The following LRP3 variants were observed in gnomAD, a reference collection of about 807,000 sequenced individuals.
LRP3 encodes the protein LDL receptor related protein 3, also known as low-density lipoprotein receptor-related protein 3.
LRP3 carries 49 observed loss-of-function variants against 58.5 expected under a neutral mutation model. The observed-to-expected ratio is 0.84, with a 90% CI of 0.67 to 1.06. The LOEUF (loss-of-function observed/expected upper bound fraction) is 1.06, where lower values mean the gene tolerates loss of function less well. Among genes scored for constraint, LRP3 ranks in the 50% least tolerant of loss-of-function variants. The probability of loss-of-function intolerance (pLI) is 0.00; values close to 1 mark genes in which losing one functional copy is unlikely to be tolerated. For synonymous variants in LRP3, 485 were observed against 492.2 expected (o/e 0.99, Z 0.20); for missense variants, 1,019 against 1,134.2 (o/e 0.90, Z 1.46).
At chr19:33,196,402 T>A (rs1325342690) in intron 1 of LRP3, among the ~76,000 whole-genome samples, 1 of 144,986 alleles carries the variant, frequency 6.9e-6, no homozygotes, top group Non-Finnish European at 1.5e-5. Flanking sequence ...AAATAAAAAA[T>A]AAAAAAATAA....
chr19:33,205,819 G>T lies in LRP3; in HGVS notation c.1049G>T (p.Arg350Leu). 1 of 1,584,216 alleles carries T rather than the reference G, an allele frequency of 6.3e-7. No individual in the cohort carries two copies. The highest frequency in any genetic ancestry group is 8.6e-7 in the Non-Finnish European group (1 of 1,167,138). ...QGRLTVAYHA[R>L]ARSAGHGFNA... ...CGCCTCACTGTGGCCTACCACGCGC[G>T]CGCCCGCAGCGCCGGCCACGGCTTC... is the stretch of plus-strand genomic sequence containing the variant. The change falls in exon 5 of 7, where the codon CGC becomes CTC. Residue 350 changes from arginine (R) to leucine (L), a missense_variant. By Grantham distance (102) the Arg-to-Leu change is moderately radical. Transcript: ENST00000253193.
chr19:33,206,984 A>G lies in LRP3; in HGVS notation c.1726-4A>G, dbSNP rs1327727808. On this transcript the variant is annotated splice_region_variant and splice_polypyrimidine_tract_variant and intron_variant, in intron 6 of 6. Transcript: ENST00000253193. ...CCCCGCCCCTACCCTGCTCCACCCCACAGGCCTCTGTGCTGCAGAATCTTC... is the reference window on the plus strand; with the variant it reads ...CCCCGCCCCTACCCTGCTCCACCCCGCAGGCCTCTGTGCTGCAGAATCTTC... The G allele has an allele frequency of 3.5e-6, 5 of 1,443,218 alleles. No homozygotes were observed. Among genetic ancestry groups the G allele is most frequent in the Non-Finnish European group, 4.5e-6 (5 of 1,099,042 alleles). 89.4% of individuals were successfully genotyped at this position (1,443,218 alleles called of 1,614,324 possible). A position where few individuals can be genotyped will look rare whatever the true frequency, so the allele number is the denominator to read the frequency against.
At chr19:33,196,692 A>C (rs772311140) in intron 1 of LRP3, 38 bp from the exon 2 acceptor site, 6 of 1,599,194 alleles carry the variant, frequency 3.8e-6, no homozygotes, top group Non-Finnish European at 5.1e-6. Context: ...CCCAGCAGGT[A>C]TGTGGGACCC....
rs758605219 is a variant in LRP3, at chr19:33,207,161, C to G, written c.1899C>G (p.Thr633=). The G allele has an allele frequency of 3.9e-6, 6 of 1,537,574 alleles. No individual in the cohort carries two copies. Among genetic ancestry groups the G allele is most frequent in the African/African-American group, 1.4e-5 (1 of 73,150 alleles). The change falls in exon 7 of 7, where the codon ACC becomes ACG. Residue 633 remains threonine (T), a synonymous_variant. Coordinates refer to ENST00000253193, the MANE Select transcript of LRP3 (RefSeq NM_002333.4). ...TGACCGCAGCACGCCCCTCACAGAC[C>G]GTGCTGGGCGATGGCTTCCTCCAGC... ...PLLTAARPSQ[T]VLGDGFLQPA...
intron 4 of LRP3, 64 bp downstream of exon 4, chr19:33,204,916 G>C: frequency 6.7e-7 from 1 of 1,490,194 alleles, no homozygotes; most frequent in Non-Finnish European, 9.2e-7. Context: ...ACAGGCTCCC[G>C]GCCCACAGGG....
chr19:33,205,536 C>T lies in LRP3; in HGVS notation c.766C>T (p.Arg256Trp), dbSNP rs778842094. 22 of 1,580,876 alleles carry T rather than the reference C, an allele frequency of 1.4e-5. No individual in the cohort carries two copies. The highest frequency in any genetic ancestry group is 3.5e-5 in the Admixed American group (2 of 57,560). ...EAGCPDLACG[R>W]RLGSFYGSFA... ...GGGCTGCCCCGACCTGGCGTGCGGC[C>T]GGCGGCTGGGCAGCTTCTACGGCTC... The change falls in exon 5 of 7, where the codon CGG (arginine) becomes TGG (tryptophan). Residue 256 changes from arginine (R) to tryptophan (W), a missense_variant. Around this residue, in one of 2 missense-constraint regions of LRP3, gnomAD observed 592 missense variants for 725.5 expected, o/e 0.82. Coordinates refer to ENST00000253193, the MANE Select transcript of LRP3 (RefSeq NM_002333.4).
rs532755678 is a variant in LRP3 at position 33,207,942 on chromosome 19, G to C, written c.*367G>C. 19 of 296,364 alleles carry C rather than the reference G, an allele frequency of 6.4e-5. No individual in the cohort carries two copies. Among genetic ancestry groups the C allele is most frequent in the African/African-American group, 4.0e-4 (18 of 44,778 alleles). The allele number at this position is 296,364 out of a possible 1,614,324, so 18.4% of individuals were successfully genotyped here. On this transcript the variant is annotated 3_prime_UTR_variant, in exon 7 of 7. Coordinates refer to ENST00000253193, the MANE Select transcript of LRP3 (RefSeq NM_002333.4). The stretch of plus-strand genomic sequence containing the variant: ...CCCCTAGAGCTGGGAGTTGTCATGA[G>C]GATGGGGCCGGGCCATGGGGACGCT...
chr19:33,200,575 C>A (rs1156909242), intron 2 of LRP3, among the ~76,000 whole-genome samples: 3 of 152,234 alleles, frequency 2.0e-5, no homozygotes, highest in African/African-American at 7.2e-5. Context: ...AATCCCAGTT[C>A]AGGACCTCAG....
chr19:33,203,324 A>G lies in LRP3; in HGVS notation c.260+338A>G, dbSNP rs539386121. Among the ~76,000 whole-genome samples the G allele has an allele frequency of 9.7e-4, 136 of 140,062 alleles. 1 individual carries two copies. Among genetic ancestry groups the G allele is most frequent in the African/African-American group, 2.7e-3 (89 of 33,284 alleles). 91.9% of individuals were successfully genotyped at this position (140,062 alleles called of 152,430 possible). On this transcript the variant is annotated intron_variant, in intron 3 of 6. Transcript: ENST00000253193. The stretch of plus-strand genomic sequence containing the variant: ...CACATGTAAGTAGGTGTGTGTGCAT[A>G]TGTGTGTGTGTGCATGTATGTGAAC...
Position 33,206,017 on chromosome 19 carries a change from G to T in LRP3, c.1247G>T (p.Cys416Phe), listed in dbSNP as rs1397580388. The T allele has an allele frequency of 3.2e-6, 5 of 1,582,624 alleles. No homozygotes were observed. In the Admixed American group the frequency reaches 9.0e-5, roughly 29 times the overall value. Residue 416 changes from cysteine (C) to phenylalanine (F), a missense_variant, in exon 5 of 7, where the codon TGC (cysteine) becomes TTC (phenylalanine). Around this residue, in one of 2 missense-constraint regions of LRP3, gnomAD observed 592 missense variants for 725.5 expected, o/e 0.82. Transcript: ENST00000253193. The stretch of plus-strand genomic sequence containing the variant: ...CGAGACGAGCAGGGCTGCCCTGCCT[G>T]CCCGCCCGACCAGTACCCCTGCGAG... ...SGRDEQGCPA[C>F]PPDQYPCEGG...
chr19:33,204,531 G>C, intron 3 of LRP3, 107 bp from the exon 4 acceptor site: 1 of 792,530 alleles, frequency 1.3e-6, no homozygotes, highest in Non-Finnish European at 2.1e-6. Context: ...GCCGGGACAG[G>C]GCTGGCTGTC....
chr19:33,202,900 C>T lies in LRP3; in HGVS notation c.174C>T (p.Tyr58=). ...EQHTERRGVI[Y]SPAWPLNYPP... is the part of the protein sequence containing the mutation. ...ACACGGAGCGGCGTGGGGTCATCTA[C>T]AGCCCGGCCTGGCCCCTCAACTACC... The change falls in exon 3 of 7, where the codon TAC becomes TAT. Residue 58 remains tyrosine (Y), a synonymous_variant. Transcript: ENST00000253193. 3 of 1,611,602 alleles carry T rather than the reference C, an allele frequency of 1.9e-6. No homozygotes were observed. Among genetic ancestry groups the T allele is most frequent in the Non-Finnish European group, 2.5e-6 (3 of 1,179,046 alleles).
intron 1 of LRP3, among the ~76,000 whole-genome samples, chr19:33,195,168 G>T (rs1239100160): frequency 6.6e-6 from 1 of 152,190 alleles, no homozygotes. Context: ...GCCTGGAGAC[G>T]AGGGGGCCCC....
chr19:33,205,482 C>T lies in LRP3; in HGVS notation c.712C>T (p.Gln238Ter). 1 of 1,583,398 alleles carries T rather than the reference C, an allele frequency of 6.3e-7. No individual in the cohort carries two copies. Reference sequence around the variant, plus strand: ...TGTGGAGCGGCGCTGTGACGGCTTGCAGGACTGCGGCGACGGCTCGGATGA... The same window carrying T: ...TGTGGAGCGGCGCTGTGACGGCTTGTAGGACTGCGGCGACGGCTCGGATGA... ...LPVERRCDGLQDCGDGSDEAG... is the reference protein window; with the variant it reads ...LPVERRCDGL Residue 238 changes from glutamine (Q) to a stop codon, truncating the protein, a stop_gained, in exon 5 of 7, where the codon CAG (glutamine) becomes TAG (stop). Coordinates refer to ENST00000253193, the MANE Select transcript of LRP3 (RefSeq NM_002333.4). LOFTEE classifies it high-confidence loss of function.
At chr19:33,202,747 C>A in intron 2 of LRP3, 101 bp from the exon 3 acceptor site, 1 of 1,352,404 alleles carries the variant, frequency 7.4e-7, no homozygotes, top group Non-Finnish European at 9.9e-7. Flanking sequence ...TGGACTCGAT[C>A]CCACCATGGG....
intron 1 of LRP3, 89 bp downstream of exon 1, chr19:33,194,947 A>T: frequency 1.6e-6 from 1 of 627,526 alleles, no homozygotes; most frequent in Non-Finnish European, 2.1e-6. Context: ...CGGCCGCGGC[A>T]TCCCGAGCCC....
intron 3 of LRP3, among the ~76,000 whole-genome samples, chr19:33,203,391 G>A (rs567361394): frequency 6.6e-6 from 1 of 152,174 alleles, no homozygotes; most frequent in Admixed American, 6.5e-5. Flanking sequence ...TGTCGGAGAA[G>A]ACATAAAGGA....
In LRP3 at chr19:33,206,270, G is replaced by T. The variant is rs567716728; in HGVS notation, c.1500G>T (p.Ala500=). ...LAAVPRKVIT[A]ALIGSLVCGL... ...CCGTGCCCCGCAAGGTCATCACGGC[G>T]GCGCTCATTGGCAGCCTGGTGTGTG... is the stretch of plus-strand genomic sequence containing the variant. Residue 500 remains alanine, a synonymous_variant, in exon 5 of 7, where the codon GCG becomes GCT. Transcript: ENST00000253193. 6.3e-7 allele frequency: 1 copy of T among 1,597,878 alleles called. No individual in the cohort carries two copies. The highest frequency in any genetic ancestry group is 8.5e-7 in the Non-Finnish European group (1 of 1,172,056).
At chr19:33,195,897 T>C (rs1041890369) in intron 1 of LRP3, among the ~76,000 whole-genome samples, 1 of 152,166 alleles carries the variant, frequency 6.6e-6, no homozygotes, top group South Asian at 2.1e-4. Flanking sequence ...GGCCTGGCTC[T>C]GTCCAGGGGG....
Sources: gnomAD v4.1 joint callset for allele counts (sites outside exome capture counted in the v4.1 genomes callset) on GRCh38, gnomAD v4.1.1 for gene constraint, gnomAD v4.1.1 regional missense constraint, MANE v1.5 for transcripts, NCBI Gene and HGNC (gene_info 2026-07-23, HGNC 2026-07-21) for gene names.